SEMA6D: variants seen among roughly 807,000 people sequenced by gnomAD.
The protein encoded by SEMA6D is semaphorin-6D.
SEMA6D carries 35 observed loss-of-function variants against 106.6 expected under a neutral mutation model. That is an observed-to-expected ratio of 0.33 (90% CI 0.25 to 0.44). The LOEUF is 0.44. Ranked by LOEUF, SEMA6D falls within the 20% of genes least tolerant of loss-of-function variation. The probability of loss-of-function intolerance (pLI) is 1.00; values close to 1 mark genes in which losing one functional copy is unlikely to be tolerated. For missense variants in SEMA6D, 1,185 were observed against 1,345.9 expected (o/e 0.88, Z 1.87); for synonymous variants, 499 against 487.7 (o/e 1.02, Z -0.31).
chr15:47,233,476 A>G (rs1410747043), intron 1 of SEMA6D, among the ~76,000 whole-genome samples: 3 of 152,050 alleles, frequency 2.0e-5, no homozygotes, highest in Non-Finnish European at 4.4e-5. Flanking sequence ...CAAAACAGCA[A>G]TTAGCATTTC....
intron 3 of SEMA6D, among the ~76,000 whole-genome samples, chr15:47,544,451 T>C (rs1423999110): frequency 6.6e-6 from 1 of 152,136 alleles, no homozygotes; most frequent in East Asian, 1.9e-4. Context: ...GTGCTGGAAA[T>C]TTAGGACTCA....
chr15:47,650,001 A>G (rs1246964954), intron 4 of SEMA6D, among the ~76,000 whole-genome samples: 1 of 152,212 alleles, frequency 6.6e-6, no homozygotes, highest in Non-Finnish European at 1.5e-5. Context: ...AAGCTGGATT[A>G]TTGGCCCCAC....
rs148753018 is a variant in SEMA6D, at chr15:47,754,864, C to G, written c.-54-4881C>G. On this transcript the variant is annotated intron_variant, in intron 1 of 18. Coordinates refer to ENST00000536845, the MANE Select transcript of SEMA6D (RefSeq NM_001358351.3). ...TAATTTCTATTTGTTTGTCTTCTTA[C>G]TCACTAATCTTCTCTTTACCTCTGA... Among the ~76,000 whole-genome samples the G allele has an allele frequency of 6.0e-3, 906 of 152,108 alleles. 6 individuals carry two copies. Among genetic ancestry groups the G allele is most frequent in the Admixed American group, 0.021 (315 of 15,270 alleles).
At position 47,486,597 on chromosome 15, in the gene SEMA6D, CATCTGTT is replaced by C. The variant is rs371548602; in HGVS notation, c.-87+16057_-87+16063del. ...AGAAAACAGACCTACCAAAGAACTA[CATCTGTT>C]ATCTTGGCCTCATATGCACCCTGCT... On this transcript the variant is annotated intron_variant, in intron 3 of 19. Coordinates refer to the SEMA6D transcript ENST00000558014. Among the ~76,000 whole-genome samples, 543 of 152,336 alleles carry C rather than the reference CATCTGTT, an allele frequency of 3.6e-3. 4 individuals carry two copies. The highest frequency in any genetic ancestry group is 0.013 in the African/African-American group (520 of 41,588).
chr15:47,558,682 A>G (rs953854466), intron 3 of SEMA6D, among the ~76,000 whole-genome samples: 3 of 152,112 alleles, frequency 2.0e-5, no homozygotes, highest in African/African-American at 7.2e-5. Context: ...ATTGTGCACT[A>G]GATATATCTA....
intron 1 of SEMA6D, among the ~76,000 whole-genome samples, chr15:47,198,564 C>T (rs1042306301): frequency 2.6e-5 from 4 of 152,178 alleles, no homozygotes; most frequent in Admixed American, 1.3e-4. Flanking sequence ...GCCTCCTCCT[C>T]TGCTTAGAAG....
At chr15:47,548,096 T>G (rs918136024) in intron 3 of SEMA6D, among the ~76,000 whole-genome samples, 4 of 152,168 alleles carry the variant, frequency 2.6e-5, no homozygotes, top group Non-Finnish European at 5.9e-5. Flanking sequence ...GATAAGATGG[T>G]GTGCTCTGCC....
chr15:47,302,798 T>C (rs376057613), intron 1 of SEMA6D, among the ~76,000 whole-genome samples: 140 of 152,274 alleles, frequency 9.2e-4, no homozygotes, highest in Admixed American at 2.6e-3. Flanking sequence ...CAGAAAGTAA[T>C]GTGGCCCTGT....
At chr15:47,680,735 C>G (rs1015706251) in intron 4 of SEMA6D, among the ~76,000 whole-genome samples, 2 of 152,054 alleles carry the variant, frequency 1.3e-5, no homozygotes, top group Non-Finnish European at 2.9e-5. Context: ...ACTTATACAA[C>G]TCAATAGCAA....
At chr15:47,542,648 A>G (rs2045392109) in intron 3 of SEMA6D, among the ~76,000 whole-genome samples, 1 of 151,866 alleles carries the variant, frequency 6.6e-6, no homozygotes, top group Non-Finnish European at 1.5e-5. Context: ...TTCAAGCAGT[A>G]CTCTTTTTTT....
chr15:47,373,013 A>G (rs750017332), intron 1 of SEMA6D, among the ~76,000 whole-genome samples: 5 of 152,238 alleles, frequency 3.3e-5, no homozygotes, highest in Middle Eastern at 3.2e-3. Context: ...CCAAGAACAC[A>G]CAGGCATGAA....
At position 47,464,186 on chromosome 15, in the gene SEMA6D, CT is replaced by C. The variant is rs892373394; in HGVS notation, c.-158-6280del. On this transcript the variant is annotated intron_variant, in intron 2 of 19. Transcript: ENST00000558014. ...TAGTGACCTTAAGAAGAGATTTTAACTTTTTTTTAGCTACAATCCCTCATCA... is the reference window on the plus strand; with the variant it reads ...TAGTGACCTTAAGAAGAGATTTTAACTTTTTTTAGCTACAATCCCTCATCA... Among the ~76,000 whole-genome samples the C allele has an allele frequency of 5.3e-5, 8 of 152,038 alleles. No homozygotes were observed. The South Asian group carries it at 1.0e-3, about 20-fold the overall frequency.
chr15:47,356,827 T>C (rs552345363), intron 1 of SEMA6D, among the ~76,000 whole-genome samples: 1 of 152,188 alleles, frequency 6.6e-6, no homozygotes, highest in African/African-American at 2.4e-5. Flanking sequence ...CAGGATGTGT[T>C]AGAGGAGCCA....
At chr15:47,601,020 G>C (rs961691895) in intron 4 of SEMA6D, 78 of 152,048 alleles carry the variant, frequency 5.1e-4, no homozygotes, top group African/African-American at 1.9e-3. Context: ...AGAGTTTACT[G>C]GTGATGTTAG....
At chr15:47,218,720 T>C (rs2030901605) in intron 1 of SEMA6D, among the ~76,000 whole-genome samples, 1 of 152,178 alleles carries the variant, frequency 6.6e-6, no homozygotes, top group Non-Finnish European at 1.5e-5. Flanking sequence ...AAATGTAAAT[T>C]TATTAATCCT....
chr15:47,309,079 TTACAATAGGAGTA>T (rs1490715964), intron 1 of SEMA6D, among the ~76,000 whole-genome samples: 1 of 152,160 alleles, frequency 6.6e-6, no homozygotes, highest in Non-Finnish European at 1.5e-5. Context: ...ATTCCTTGGC[TTACAATAGGAGTA>T]TATCCCAATG....
At chr15:47,217,691 AC>A (rs2030770077) in intron 1 of SEMA6D, among the ~76,000 whole-genome samples, 1 of 151,552 alleles carries the variant, frequency 6.6e-6, no homozygotes, top group African/African-American at 2.4e-5. Flanking sequence ...TTCATTTTAC[AC>A]CTTCCTATAC....
chr15:47,504,462 C>T (rs192225290), intron 3 of SEMA6D, among the ~76,000 whole-genome samples: 1 of 151,802 alleles, frequency 6.6e-6, no homozygotes, highest in Non-Finnish European at 1.5e-5. Flanking sequence ...GCGTAGGAAG[C>T]CTGCATTGCT....
At chr15:47,373,254 G>A (rs1595856915) in intron 1 of SEMA6D, among the ~76,000 whole-genome samples, 1 of 152,118 alleles carries the variant, frequency 6.6e-6, no homozygotes, top group East Asian at 1.9e-4. Context: ...TGTCATAGTT[G>A]CCACATGGGC....
Sources: gnomAD v4.1 joint callset for allele counts (sites outside exome capture counted in the v4.1 genomes callset) on GRCh38, gnomAD v4.1.1 for gene constraint, MANE v1.5 for transcripts, NCBI Gene and HGNC (gene_info 2026-07-23, HGNC 2026-07-21) for gene names.